Variants in MTMR12 observed in about 807,000 individuals in gnomAD.
MTMR12 encodes the protein myotubularin-related protein 12.
Under a neutral mutation model 96.7 loss-of-function variants are expected in MTMR12, and 33 were observed. The observed-to-expected ratio is 0.34, with a 90% CI of 0.26 to 0.46. The LOEUF is 0.46. Among genes scored for constraint, MTMR12 ranks in the 20% least tolerant of loss-of-function variants. MTMR12 has a pLI of 1.00. For synonymous variants in MTMR12, 298 were observed against 327.2 expected, an observed-to-expected ratio of 0.91 and a Z score of 0.96; for missense variants, 721 against 896.1, an observed-to-expected ratio of 0.80 and a Z score of 2.49.
intron 10 of MTMR12, among the ~76,000 whole-genome samples, chr5:32,246,914 TG>T (rs1748712201): frequency 6.6e-6 from 1 of 152,226 alleles, no homozygotes; most frequent in African/African-American, 2.4e-5. Context: ...TGAGTTATTT[TG>T]GGGTAAAAAA....
rs539753706 is a variant in MTMR12, at chr5:32,260,379, G to C, written c.713+2734C>G. Among the ~76,000 whole-genome samples the C allele has an allele frequency of 2.2e-4, 34 of 151,836 alleles. 1 individual carries two copies. The highest frequency in any genetic ancestry group is 6.5e-4 in the African/African-American group (27 of 41,404). On this transcript the variant is annotated intron_variant, in intron 7 of 15. Transcript: ENST00000382142. The stretch of plus-strand genomic sequence containing the variant: ...ACCAGTGGATGGGGGAGACCACGGA[G>C]CAGCGACTACAGTGGTCTGGAGTGA...
rs1389584457 is a variant in MTMR12, at chr5:32,291,612, C to T, written c.82-14870G>A. Among the ~76,000 whole-genome samples the T allele has an allele frequency of 2.0e-5, 3 of 152,172 alleles. No homozygotes were observed. The East Asian group carries it at 5.8e-4, about 29-fold the overall frequency. On this transcript the variant is annotated intron_variant, in intron 1 of 15. Coordinates refer to ENST00000382142, the MANE Select transcript of MTMR12 (RefSeq NM_001040446.3). Reference sequence around the variant, plus strand: ...TAGATAGGGTGACCCGTTCTGTGGACACCACTCAGACTCTTCCCCCAGCCA... The same window carrying T: ...TAGATAGGGTGACCCGTTCTGTGGATACCACTCAGACTCTTCCCCCAGCCA...
At chr5:32,250,105 A>G (rs1748858401) in intron 8 of MTMR12, among the ~76,000 whole-genome samples, 1 of 152,228 alleles carries the variant, frequency 6.6e-6, no homozygotes, top group South Asian at 2.1e-4. Flanking sequence ...TCGGCATGAC[A>G]ATCCAGGTGA....
At chr5:32,272,388 A>G (rs192541070) in intron 3 of MTMR12, among the ~76,000 whole-genome samples, 3 of 152,108 alleles carry the variant, frequency 2.0e-5, no homozygotes, top group Non-Finnish European at 4.4e-5. Flanking sequence ...CCTGAGATTC[A>G]TTCTGAGACA....
intron 1 of MTMR12, among the ~76,000 whole-genome samples, chr5:32,282,614 C>G (rs1160682104): frequency 6.6e-6 from 1 of 152,098 alleles, no homozygotes; most frequent in Non-Finnish European, 1.5e-5. Context: ...TGCTTCCCCC[C>G]TCAAACAAAA....
intron 1 of MTMR12, among the ~76,000 whole-genome samples, chr5:32,299,532 C>G (rs1315929104): frequency 6.6e-6 from 1 of 152,142 alleles, no homozygotes; most frequent in Non-Finnish European, 1.5e-5. Flanking sequence ...CTTCTACCAC[C>G]GCCTCCAAAA....
At chr5:32,273,536 C>T (rs1475431152) in intron 3 of MTMR12, among the ~76,000 whole-genome samples, 7 of 152,104 alleles carry the variant, frequency 4.6e-5, no homozygotes, top group African/African-American at 1.7e-4. Flanking sequence ...GATGTTATTC[C>T]AGTGAGTGAT....
At chr5:32,290,590 T>A (rs1355960595) in intron 1 of MTMR12, among the ~76,000 whole-genome samples, 1 of 152,206 alleles carries the variant, frequency 6.6e-6, no homozygotes, top group Admixed American at 6.5e-5. Context: ...AGTGTGTTAC[T>A]CCAGCCCATT....
At chr5:32,262,171 T>C (rs1479643868) in intron 7 of MTMR12, among the ~76,000 whole-genome samples, 1 of 152,216 alleles carries the variant, frequency 6.6e-6, no homozygotes, top group Non-Finnish European at 1.5e-5. Context: ...GAACAGTCTC[T>C]GTGAAAAAGT....
chr5:32,311,827 G>A (rs1047168787), intron 1 of MTMR12, among the ~76,000 whole-genome samples: 5 of 152,130 alleles, frequency 3.3e-5, no homozygotes, highest in African/African-American at 9.7e-5. Flanking sequence ...CTACCTGGAC[G>A]ACTCTTCTCT....
chr5:32,278,644 C>T (rs914508060), intron 1 of MTMR12, among the ~76,000 whole-genome samples: 1 of 152,138 alleles, frequency 6.6e-6, no homozygotes, highest in African/African-American at 2.4e-5. Context: ...CACCCATAAG[C>T]CTGCGGACTT....
Position 32,312,828 on chromosome 5 carries a change from T to C in MTMR12, c.11A>G (p.Lys4Arg). 6.5e-7 allele frequency: 1 copy of C among 1,529,598 alleles called. No individual in the cohort carries two copies. The highest frequency in any genetic ancestry group is 8.8e-7 in the Non-Finnish European group (1 of 1,141,764). The allele number at this position is 1,529,598 out of a possible 1,614,324, so 94.8% of individuals were successfully genotyped here. ...GCCGCCGCCACCGCCGACTACTCCT[T>C]TCCCCAGCATACCGCCGCCCTGGGA... Reference protein sequence around the residue: MLGKGVVGGGGGTK... With the variant: MLGRGVVGGGGGTK... Residue 4 changes from lysine (K) to arginine (R), a missense_variant, in exon 1 of 16, where the codon AAA (lysine) becomes AGA (arginine). Physicochemically the swap from Lys to Arg is conservative, Grantham distance 26. Coordinates refer to ENST00000382142, the MANE Select transcript of MTMR12 (RefSeq NM_001040446.3). The surrounding 1 kb of genome is among the most constrained non-coding windows in gnomAD (Gnocchi z 5.0).
At chr5:32,286,954 G>A (rs1057350681) in intron 1 of MTMR12, among the ~76,000 whole-genome samples, 2 of 152,108 alleles carry the variant, frequency 1.3e-5, no homozygotes, top group African/African-American at 4.8e-5. Flanking sequence ...ACAACACACA[G>A]CACCTAAGTC....
At chr5:32,270,685 T>C in intron 5 of MTMR12, 132 bp downstream of exon 5, 1 of 993,408 alleles carries the variant, frequency 1.0e-6, no homozygotes, top group Non-Finnish European at 1.5e-6. Flanking sequence ...TCAAAGAATA[T>C]GGGATTACAA....
At chr5:32,290,370 C>T (rs1750695350) in intron 1 of MTMR12, among the ~76,000 whole-genome samples, 2 of 152,144 alleles carry the variant, frequency 1.3e-5, no homozygotes, top group Admixed American at 1.3e-4. Context: ...GAGACATTTT[C>T]ATGTCAGAGG....
chr5:32,243,527 A>C lies in MTMR12; in HGVS notation c.1094T>G (p.Ile365Arg), dbSNP rs762407872. Residue 365 changes from isoleucine (I) to arginine (R), a missense_variant, in exon 11 of 16, where the codon ATA becomes AGA. Coordinates refer to ENST00000382142, the MANE Select transcript of MTMR12 (RefSeq NM_001040446.3). ...SLLESSSWLDIIRRCLKKAIE... is the reference protein window; with the variant it reads ...SLLESSSWLDRIRRCLKKAIE... ...AAACAATGGTTTGAAATACCTGATTATGTCAAGCCAGCTGCTACTTTCCAA... is the reference window on the plus strand; with the variant it reads ...AAACAATGGTTTGAAATACCTGATTCTGTCAAGCCAGCTGCTACTTTCCAA... 6.2e-7 allele frequency: 1 copy of C among 1,608,852 alleles called. No individual in the cohort carries two copies. The highest frequency in any genetic ancestry group is 1.7e-5 in the Admixed American group (1 of 59,890).
At chr5:32,277,071 G>C (rs1484751783) in intron 1 of MTMR12, among the ~76,000 whole-genome samples, 2 of 151,786 alleles carry the variant, frequency 1.3e-5, no homozygotes, top group Non-Finnish European at 2.9e-5. Flanking sequence ...ATTTTTAGTA[G>C]AGATGGGGTT....
intron 13 of MTMR12, among the ~76,000 whole-genome samples, chr5:32,235,714 G>T (rs1479253988): frequency 1.3e-5 from 2 of 152,240 alleles, no homozygotes; most frequent in Admixed American, 6.5e-5. Context: ...AGCAGTGAAA[G>T]TGAGTTTCAA....
At position 32,233,016 on chromosome 5, in the gene MTMR12, C is replaced by T. The variant is rs970875195; in HGVS notation, c.1674+757G>A. 3.0e-6 allele frequency: 3 copies of T among 984,344 alleles called. No homozygotes were observed. The highest frequency in any genetic ancestry group is 3.6e-6 in the Non-Finnish European group (3 of 829,038). The allele number at this position is 984,344 out of a possible 1,614,324, so 61.0% of individuals were successfully genotyped here. Reference sequence around the variant, plus strand: ...GGGGGAGAAATTCTGGGCCTGGAGACAGAGCTAGGAAATGTCAGTTAAATA... The same window carrying T: ...GGGGGAGAAATTCTGGGCCTGGAGATAGAGCTAGGAAATGTCAGTTAAATA... On this transcript the variant is annotated intron_variant, in intron 15 of 15. Coordinates refer to ENST00000382142, the MANE Select transcript of MTMR12 (RefSeq NM_001040446.3). This position sits in a 1 kb window ranked among gnomAD's most constrained non-coding sequence, Gnocchi z 5.0.
Sources: gnomAD v4.1 joint callset for allele counts (sites outside exome capture counted in the v4.1 genomes callset) on GRCh38, gnomAD v4.1.1 for gene constraint, Gnocchi (gnomAD v3.1) non-coding constraint, MANE v1.5 for transcripts, NCBI Gene and HGNC (gene_info 2026-07-23, HGNC 2026-07-21) for gene names.